Variants in BABAM2 observed in about 807,000 individuals in gnomAD.
The protein encoded by BABAM2 is BRISC and BRCA1 A complex member 2.
In BABAM2, 31 loss-of-function variants were observed where a neutral mutation model predicts 54.7. The ratio of observed to expected loss-of-function variants is 0.57; its 90% CI spans 0.43 to 0.77. The LOEUF (loss-of-function observed/expected upper bound fraction) is 0.77. Ranked by LOEUF, BABAM2 falls within the 30% of genes least tolerant of loss-of-function variation. BABAM2 has a pLI of 0.00. For synonymous variants in BABAM2, 167 were observed against 162.9 expected, an observed-to-expected ratio of 1.03 and a Z score of -0.19; for missense variants, 364 against 455.8, an observed-to-expected ratio of 0.80 and a Z score of 1.83.
At chr2:27,910,549 C>T (rs1039696175) in intron 2 of BABAM2, among the ~76,000 whole-genome samples, 2 of 152,104 alleles carry the variant, frequency 1.3e-5, no homozygotes, top group African/African-American at 2.4e-5. Context: ...GCACCTTGTA[C>T]GTCCTCTTTG....
At chr2:27,920,479 A>G (rs1486512798) in intron 2 of BABAM2, among the ~76,000 whole-genome samples, 4 of 152,234 alleles carry the variant, frequency 2.6e-5, no homozygotes, top group South Asian at 2.1e-4. Flanking sequence ...CAGAGAAAAT[A>G]AATTCTAAAA....
chr2:28,055,870 A>T (rs1573486845), intron 6 of BABAM2, among the ~76,000 whole-genome samples: 1 of 152,234 alleles, frequency 6.6e-6, no homozygotes, highest in East Asian at 1.9e-4. Context: ...ATGGATAAGG[A>T]AACTGTGGTA....
At chr2:28,212,877 A>T (rs1679599155) in intron 7 of BABAM2, among the ~76,000 whole-genome samples, 1 of 152,080 alleles carries the variant, frequency 6.6e-6, no homozygotes, top group Non-Finnish European at 1.5e-5. Context: ...TAGATCTTTT[A>T]ATTTGAGCTA....
At chr2:27,967,843 C>T (rs1001268154) in intron 3 of BABAM2, among the ~76,000 whole-genome samples, 1 of 152,138 alleles carries the variant, frequency 6.6e-6, no homozygotes, top group Admixed American at 6.5e-5. Context: ...TGCCCTTGAG[C>T]TTAGTGGAAA....
At chr2:28,195,604 C>T (rs1041989922) in intron 7 of BABAM2, among the ~76,000 whole-genome samples, 3 of 152,182 alleles carry the variant, frequency 2.0e-5, no homozygotes, top group Non-Finnish European at 2.9e-5. Flanking sequence ...TCTTCAGGTA[C>T]AGCAGTGAAT....
chr2:28,230,089 T>G (rs1968000), intron 7 of BABAM2, among the ~76,000 whole-genome samples: 129,702 of 151,674 alleles, frequency 0.86, 55,962 homozygotes, highest in East Asian at 1. Flanking sequence ...CACAGAGTCC[T>G]TACTTACAGC....
chr2:28,040,332 G>A (rs1676989127), intron 5 of BABAM2, among the ~76,000 whole-genome samples: 1 of 61,792 alleles, frequency 1.6e-5, no homozygotes, highest in Non-Finnish European at 3.3e-5. Context: ...ACGGAGTCTC[G>A]CTCTGTCGCC....
At position 27,952,323 on chromosome 2, in the gene BABAM2, C is replaced by A. The variant is rs892455604; in HGVS notation, c.205+22415C>A. Among the ~76,000 whole-genome samples, 6 of 152,154 alleles carry A rather than the reference C, an allele frequency of 3.9e-5. No homozygotes were observed. In the South Asian group the frequency reaches 6.2e-4, roughly 16 times the overall value. ...ATTATTGTGTGCTGGATTGATGAGT[C>A]TACATAGTGTCAAGAAATGCTTACA... On this transcript the variant is annotated intron_variant, in intron 3 of 11. Transcript: ENST00000379624.
intron 5 of BABAM2, among the ~76,000 whole-genome samples, chr2:28,045,138 C>T (rs1220394485): frequency 2.0e-5 from 3 of 152,286 alleles, no homozygotes; most frequent in East Asian, 1.9e-4. Context: ...GCCAAACCTC[C>T]GTACCTCTTT....
intron 3 of BABAM2, among the ~76,000 whole-genome samples, chr2:27,981,620 T>C (rs1191745320): frequency 6.6e-6 from 1 of 152,182 alleles, no homozygotes; most frequent in Non-Finnish European, 1.5e-5. Flanking sequence ...ATACAATAAG[T>C]AGCCTTTTGT....
intron 10 of BABAM2, among the ~76,000 whole-genome samples, chr2:28,285,998 C>T (rs1276080765): frequency 6.6e-6 from 1 of 151,110 alleles, no homozygotes; most frequent in African/African-American, 2.4e-5. Context: ...TTCTGTCACC[C>T]AGGCTGGAGT....
At chr2:28,091,318 A>G (rs887781440) in intron 6 of BABAM2, among the ~76,000 whole-genome samples, 1 of 152,250 alleles carries the variant, frequency 6.6e-6, no homozygotes, top group African/African-American at 2.4e-5. Context: ...TTAGCATCTC[A>G]CAGTTGCAAA....
chr2:28,122,383 C>G (rs1258408443), intron 6 of BABAM2, among the ~76,000 whole-genome samples: 1 of 152,066 alleles, frequency 6.6e-6, no homozygotes. Context: ...GCAGGAGGAT[C>G]ACTTGAGCCC....
At chr2:28,011,165 G>C (rs1674366197) in intron 4 of BABAM2, among the ~76,000 whole-genome samples, 1 of 152,194 alleles carries the variant, frequency 6.6e-6, no homozygotes, top group South Asian at 2.1e-4. Context: ...GAGGGGAATG[G>C]ATGTTGGACG....
At chr2:28,105,680 A>C (rs914253002) in intron 6 of BABAM2, among the ~76,000 whole-genome samples, 1 of 152,212 alleles carries the variant, frequency 6.6e-6, no homozygotes, top group Non-Finnish European at 1.5e-5. Flanking sequence ...GACAGAAATA[A>C]GCCTTATTAA....
At chr2:28,043,674 A>G (rs1558682291) in intron 5 of BABAM2, among the ~76,000 whole-genome samples, 1 of 152,216 alleles carries the variant, frequency 6.6e-6, no homozygotes, top group Non-Finnish European at 1.5e-5. Flanking sequence ...AAAGAACCAC[A>G]CTTACCAGAG....
intron 7 of BABAM2, among the ~76,000 whole-genome samples, chr2:28,235,840 T>C (rs1446459245): frequency 6.6e-6 from 1 of 151,976 alleles, no homozygotes; most frequent in East Asian, 1.9e-4. Flanking sequence ...TTTTTTTTTT[T>C]GTAGAGACGA....
intron 2 of BABAM2, among the ~76,000 whole-genome samples, chr2:27,928,612 C>G (rs1335908747): frequency 1.3e-5 from 2 of 152,188 alleles, no homozygotes; most frequent in Non-Finnish European, 2.9e-5. Context: ...TTTATTTCAA[C>G]TATGCATCCA....
intron 6 of BABAM2, among the ~76,000 whole-genome samples, chr2:28,116,923 C>A (rs568122456): frequency 6.6e-6 from 1 of 152,296 alleles, no homozygotes; most frequent in Admixed American, 6.5e-5. Context: ...TCATCATATT[C>A]GTGTAGTTGT....
Sources: allele counts gnomAD v4.1 joint callset (sites outside exome capture counted in the v4.1 genomes callset), GRCh38; gene constraint gnomAD v4.1.1; transcripts MANE v1.5; gene names NCBI Gene and HGNC (gene_info 2026-07-23, HGNC 2026-07-21).